Variants in CPB2 observed in about 807,000 individuals in gnomAD.
The protein encoded by CPB2 is carboxypeptidase B-like protein.
CPB2 carries 54 observed loss-of-function variants against 57.0 expected under a neutral mutation model. The observed-to-expected ratio is 0.95, with a 90% CI of 0.76 to 1.19. The LOEUF is 1.19. CPB2 is among the 50% of genes most tolerant of loss of function. The pLI, the probability that CPB2 is intolerant of heterozygous loss-of-function variation, is 0.00. For synonymous variants in CPB2, 189 were observed against 178.1 expected, an observed-to-expected ratio of 1.06 and a Z score of -0.49; for missense variants, 426 against 512.0, an observed-to-expected ratio of 0.83 and a Z score of 1.62.
intron 1 of CPB2, among the ~76,000 whole-genome samples, chr13:46,097,746 T>A (rs968272198): frequency 6.6e-6 from 1 of 152,220 alleles, no homozygotes; most frequent in African/African-American, 2.4e-5. Context: ...TGTGGTGCTG[T>A]GTCCCTACTA....
In CPB2 at chr13:46,065,602, G is replaced by A. The variant is rs574453991; in HGVS notation, c.703-861C>T. Among the ~76,000 whole-genome samples, 419 of 138,860 alleles carry A rather than the reference G, an allele frequency of 3.0e-3. 1 individual carries two copies. Among genetic ancestry groups the A allele is most frequent in the Non-Finnish European group, 4.8e-3 (317 of 66,064 alleles). The allele number at this position is 138,860 out of a possible 152,430, so 91.1% of individuals were successfully genotyped here. Reference sequence around the variant, plus strand: ...AGATCTTGCCACTGCACTCCAGCCTGGGCGACAGAGCAAGACTCCGTCTCA... The same window carrying A: ...AGATCTTGCCACTGCACTCCAGCCTAGGCGACAGAGCAAGACTCCGTCTCA... On this transcript the variant is annotated intron_variant, in intron 7 of 10. Coordinates refer to ENST00000181383, the MANE Select transcript of CPB2 (RefSeq NM_001872.5).
chr13:46,065,626 CAAAA>C (rs397851865), intron 7 of CPB2, among the ~76,000 whole-genome samples: 2 of 62,002 alleles, frequency 3.2e-5, no homozygotes, highest in Non-Finnish European at 5.9e-5. Context: ...GACTCCGTCT[CAAAA>C]AAAAAAAAAA....
chr13:46,082,460 T>C lies in CPB2; in HGVS notation c.365A>G (p.Gln122Arg). The C allele has an allele frequency of 6.2e-7, 1 of 1,610,124 alleles. No individual in the cohort carries two copies. The highest frequency in any genetic ancestry group is 1.1e-5 in the South Asian group (1 of 90,706). Residue 122 changes from glutamine to arginine, a missense_variant, in exon 4 of 11, where the codon CAG becomes CGG. Physicochemically the swap from Gln to Arg is conservative, Grantham distance 43. Transcript: ENST00000181383. ...GCTTACTTCATTTAGTGAGTGATACTGTTCATAGTACGATGCGGAGGCTCG... is the reference window on the plus strand; with the variant it reads ...GCTTACTTCATTTAGTGAGTGATACCGTTCATAGTACGATGCGGAGGCTCG... Reference protein sequence around the residue: ...SPRASASYYEQYHSLNEIYSW... With the variant: ...SPRASASYYERYHSLNEIYSW...
chr13:46,093,326 G>T (rs2045320692), intron 1 of CPB2, among the ~76,000 whole-genome samples: 1 of 152,192 alleles, frequency 6.6e-6, no homozygotes, highest in African/African-American at 2.4e-5. Context: ...GAGGGGAAAA[G>T]TAGCTAGACT....
rs777954479 is a variant in CPB2 at position 46,055,690 on chromosome 13, C to G, written c.1087+72G>C. 2.2e-4 allele frequency: 193 copies of G among 866,426 alleles called. 1 individual carries two copies. The highest frequency in any genetic ancestry group is 2.1e-3 in the South Asian group (117 of 54,554). 53.7% of individuals were successfully genotyped at this position (866,426 alleles called of 1,614,324 possible). On this transcript the variant is annotated intron_variant, in intron 10 of 10. Transcript: ENST00000181383. The stretch of plus-strand genomic sequence containing the variant: ...ATTTAATTCAGAAAAATTAAATACA[C>G]AAAGAAAAACAGATCACACAGATTT...
intron 1 of CPB2, among the ~76,000 whole-genome samples, chr13:46,088,685 A>G (rs1181183205): frequency 2.6e-5 from 4 of 152,130 alleles, no homozygotes; most frequent in Non-Finnish European, 4.4e-5. Context: ...CTGACTTTTC[A>G]ACTTTTGCAA....
intron 9 of CPB2, among the ~76,000 whole-genome samples, chr13:46,056,456 C>T (rs2044698090): frequency 6.6e-6 from 1 of 152,160 alleles, no homozygotes; most frequent in African/African-American, 2.4e-5. Flanking sequence ...GAAGTTCTCA[C>T]TTATCTGGAA....
chr13:46,060,308 CA>C (rs1049547409), intron 8 of CPB2, among the ~76,000 whole-genome samples: 4 of 151,874 alleles, frequency 2.6e-5, no homozygotes, highest in African/African-American at 9.7e-5. Context: ...ACCAAAAATA[CA>C]AAAATAGCCA....
At position 46,104,953 on chromosome 13, in the gene CPB2, A is replaced by G; in HGVS notation, c.57T>C (p.His19=). ...TGGGTTACCTCTGAAACGCGAAGAC[A>G]TGCTGCTCACAGAAGAGAACAATGG... The part of the protein sequence containing the change: ...LVPIVLFCEQ[H]VFAFQSGQVL... Residue 19 remains histidine, a synonymous_variant, in exon 1 of 11, where the codon CAT becomes CAC. Coordinates refer to ENST00000181383, the MANE Select transcript of CPB2 (RefSeq NM_001872.5). 1.2e-6 allele frequency: 2 copies of G among 1,614,034 alleles called. No homozygotes were observed. The highest frequency in any genetic ancestry group is 1.7e-4 in the Middle Eastern group (1 of 6,060).
chr13:46,057,761 C>G (rs1048276179), intron 9 of CPB2, among the ~76,000 whole-genome samples: 1 of 152,180 alleles, frequency 6.6e-6, no homozygotes, highest in Non-Finnish European at 1.5e-5. Context: ...ACAATTCCTG[C>G]TGCTAATACC....
intron 9 of CPB2, among the ~76,000 whole-genome samples, chr13:46,056,694 C>T (rs2044702073): frequency 6.6e-6 from 1 of 152,190 alleles, no homozygotes; most frequent in South Asian, 2.1e-4. Context: ...TTTGCATCCT[C>T]TTATGGTGAA....
chr13:46,073,577 A>G (rs1352891532), intron 6 of CPB2: 1 of 289,746 alleles, frequency 3.5e-6, no homozygotes, highest in Non-Finnish European at 4.5e-6. Flanking sequence ...CCTTTCCTCT[A>G]CTTAGTAAAC....
chr13:46,086,479 C>T (rs61955267), intron 2 of CPB2, among the ~76,000 whole-genome samples: 18 of 152,284 alleles, frequency 1.2e-4, no homozygotes, highest in African/African-American at 4.3e-4. Flanking sequence ...TGGGTGGCTC[C>T]TCTCTACAGC....
intron 1 of CPB2, 81 bp downstream of exon 1, chr13:46,104,855 C>T: frequency 6.5e-7 from 1 of 1,536,744 alleles, no homozygotes. Context: ...TGTCCACCAG[C>T]TCAGTGCACT....
At chr13:46,104,879 A>G in intron 1 of CPB2, 57 bp downstream of exon 1, 1 of 1,605,738 alleles carries the variant, frequency 6.2e-7, no homozygotes, top group South Asian at 1.1e-5. Context: ...TTGACACGAC[A>G]TGAGGCAAAC....
chr13:46,057,329 G>C (rs923664821), intron 9 of CPB2, among the ~76,000 whole-genome samples: 1 of 152,128 alleles, frequency 6.6e-6, no homozygotes, highest in Non-Finnish European at 1.5e-5. Flanking sequence ...TTCAGAGAAT[G>C]CAAATAATCT....
At chr13:46,065,207 G>T (rs1188556131) in intron 7 of CPB2, among the ~76,000 whole-genome samples, 1 of 152,202 alleles carries the variant, frequency 6.6e-6, no homozygotes, top group Non-Finnish European at 1.5e-5. Context: ...GCTAGAAAAG[G>T]TGGAGATGTG....
intron 3 of CPB2, among the ~76,000 whole-genome samples, chr13:46,083,966 G>C (rs1335223326): frequency 6.6e-6 from 1 of 152,204 alleles, no homozygotes; most frequent in Non-Finnish European, 1.5e-5. Context: ...GGAACTATGA[G>C]AGCCTTTACC....
At chr13:46,082,640 G>A in intron 3 of CPB2, 91 bp from the exon 4 acceptor site, 9 of 702,390 alleles carry the variant, frequency 1.3e-5, no homozygotes, top group Admixed American at 4.9e-5. Context: ...TGAGCATGAA[G>A]AAAAAAAATC....
Sources: allele counts gnomAD v4.1 joint callset (sites outside exome capture counted in the v4.1 genomes callset), GRCh38; gene constraint gnomAD v4.1.1; transcripts MANE v1.5; gene names NCBI Gene and HGNC (gene_info 2026-07-23, HGNC 2026-07-21).